AUTS2: variants seen among roughly 807,000 people sequenced by gnomAD.
AUTS2 encodes the protein autism susceptibility gene 2 protein.
A neutral mutation model predicts 112.4 loss-of-function variants in AUTS2; 17 were observed. The observed-to-expected ratio is 0.15, with a 90% CI of 0.10 to 0.23. The LOEUF (loss-of-function observed/expected upper bound fraction) is 0.23, where lower values mean the gene tolerates loss of function less well. Among genes scored for constraint, AUTS2 ranks in the 10% least tolerant of loss-of-function variants. The pLI, the probability that AUTS2 is intolerant of heterozygous loss-of-function variation, is 1.00. For missense variants in AUTS2, 1,510 were observed against 1,701.6 expected, an observed-to-expected ratio of 0.89 and a Z score of 1.98; for synonymous variants, 751 against 702.7, an observed-to-expected ratio of 1.07 and a Z score of -1.09.
chr7:70,468,463 G>A (rs1360070808), intron 5 of AUTS2, among the ~76,000 whole-genome samples: 1 of 152,176 alleles, frequency 6.6e-6, no homozygotes, highest in Admixed American at 6.5e-5. Flanking sequence ...TTGCCTTGAA[G>A]ATTTAAATGA....
intron 1 of AUTS2, among the ~76,000 whole-genome samples, chr7:69,799,074 AT>A (rs528994896): frequency 7.4e-5 from 11 of 149,622 alleles, no homozygotes; most frequent in East Asian, 2.0e-4. Context: ...TAAGTATGGT[AT>A]TTTTTTTTTC....
rs749711158 is a variant in AUTS2 at position 70,766,174 on chromosome 7, G to A, written c.1529G>A (p.Arg510His). The A allele has an allele frequency of 4.3e-6, 7 of 1,614,092 alleles. No individual in the cohort carries two copies. Among genetic ancestry groups the A allele is most frequent in the Admixed American group, 3.3e-5 (2 of 60,010 alleles). The change falls in exon 9 of 19, where the codon CGC (arginine) becomes CAC (histidine). Residue 510 changes from arginine (R) to histidine (H), a missense_variant. Physicochemically the swap from Arg to His is conservative, Grantham distance 29. Coordinates refer to ENST00000342771, the MANE Select transcript of AUTS2 (RefSeq NM_015570.4). The surrounding 1 kb of genome is among the most constrained non-coding windows in gnomAD (Gnocchi z 4.8). ...TTTTTGGCCTCTCAGAGTGCTGACC[G>A]CGGGGCTTCCCTGGGCCCTCCGCCC... ...TRFLASQSAD[R>H]GASLGPPPYL...
At chr7:69,741,840 G>A (rs1787278625) in intron 1 of AUTS2, among the ~76,000 whole-genome samples, 1 of 150,604 alleles carries the variant, frequency 6.6e-6, no homozygotes, top group Non-Finnish European at 1.5e-5. Flanking sequence ...GCCTCCCTCT[G>A]TCACTCAGGT....
intron 2 of AUTS2, among the ~76,000 whole-genome samples, chr7:70,112,163 T>G (rs1278260236): frequency 1.3e-5 from 2 of 151,794 alleles, no homozygotes; most frequent in East Asian, 3.8e-4. Context: ...GTTTTAAAAT[T>G]TATATATTTA....
chr7:70,271,250 A>G (rs1461702314), intron 4 of AUTS2, among the ~76,000 whole-genome samples: 1 of 152,188 alleles, frequency 6.6e-6, no homozygotes, highest in Non-Finnish European at 1.5e-5. Flanking sequence ...CATTAAATAG[A>G]AAATCTCACA....
At chr7:69,878,441 A>T (rs778109923) in intron 1 of AUTS2, among the ~76,000 whole-genome samples, 2 of 152,176 alleles carry the variant, frequency 1.3e-5, no homozygotes, top group Non-Finnish European at 2.9e-5. Context: ...ATCCAGGGTC[A>T]AAGCTAATCT....
chr7:69,826,455 A>G (rs1791249943), intron 1 of AUTS2, among the ~76,000 whole-genome samples: 1 of 152,198 alleles, frequency 6.6e-6, no homozygotes, highest in African/African-American at 2.4e-5. Context: ...AGAACACCCT[A>G]TAAATGTGAC....
intron 2 of AUTS2, among the ~76,000 whole-genome samples, chr7:69,955,049 C>T (rs767269160): frequency 1.3e-5 from 2 of 152,192 alleles, no homozygotes; most frequent in Non-Finnish European, 2.9e-5. Context: ...ATATATTTTG[C>T]ATATTGCTTA....
At chr7:69,954,304 T>G (rs1385779115) in intron 2 of AUTS2, among the ~76,000 whole-genome samples, 1 of 152,164 alleles carries the variant, frequency 6.6e-6, no homozygotes, top group Non-Finnish European at 1.5e-5. Context: ...TTTTTAGAGC[T>G]AGGATCTCGC....
chr7:70,418,296 A>G, intron 4 of AUTS2, among the ~76,000 whole-genome samples: 1 of 152,170 alleles, frequency 6.6e-6, no homozygotes, highest in South Asian at 2.1e-4. Context: ...AACAGTGACG[A>G]TGCTAAGCAT....
At chr7:70,140,374 G>A (rs1410187583) in intron 4 of AUTS2, among the ~76,000 whole-genome samples, 2 of 152,118 alleles carry the variant, frequency 1.3e-5, no homozygotes, top group African/African-American at 4.8e-5. Context: ...CAGGTATTTG[G>A]TTATCCTGAG....
At chr7:70,441,514 T>A (rs1796122625) in intron 5 of AUTS2, among the ~76,000 whole-genome samples, 1 of 152,134 alleles carries the variant, frequency 6.6e-6, no homozygotes, top group Non-Finnish European at 1.5e-5. Context: ...GCCTCCCAAG[T>A]AGCTGGGACT....
chr7:70,393,764 C>A (rs1793968991), intron 4 of AUTS2, among the ~76,000 whole-genome samples: 1 of 152,158 alleles, frequency 6.6e-6, no homozygotes, highest in Non-Finnish European at 1.5e-5. Flanking sequence ...CCCTTTCAAC[C>A]TTTAATACCT....
intron 5 of AUTS2, among the ~76,000 whole-genome samples, chr7:70,529,991 A>G (rs762247555): frequency 6.6e-5 from 10 of 152,238 alleles, no homozygotes; most frequent in Non-Finnish European, 1.3e-4. Flanking sequence ...AACATTTGTT[A>G]CAAGGTCCTG....
chr7:70,205,381 CTG>C (rs752761823), intron 4 of AUTS2, among the ~76,000 whole-genome samples: 19 of 152,178 alleles, frequency 1.2e-4, no homozygotes, highest in Admixed American at 6.5e-4. Context: ...ACTTATGAAA[CTG>C]AGGTCAGATA....
intron 1 of AUTS2, among the ~76,000 whole-genome samples, chr7:69,678,764 A>G (rs2129165876): frequency 6.6e-6 from 1 of 152,260 alleles, no homozygotes; most frequent in East Asian, 1.9e-4. Flanking sequence ...TGAGCCATTC[A>G]TGGAGACAGA....
At chr7:69,865,849 A>G (rs1793202475) in intron 1 of AUTS2, among the ~76,000 whole-genome samples, 1 of 152,176 alleles carries the variant, frequency 6.6e-6, no homozygotes, top group Non-Finnish European at 1.5e-5. Context: ...TCTCTCTTCC[A>G]GAAATTTTAT....
Position 70,766,097 on chromosome 7 carries a change from C to G in AUTS2, c.1469-17C>G, listed in dbSNP as rs750299001. 3 of 1,608,940 alleles carry G rather than the reference C, an allele frequency of 1.9e-6. No individual in the cohort carries two copies. Among genetic ancestry groups the G allele is most frequent in the Non-Finnish European group, 2.6e-6 (3 of 1,175,832 alleles). ...TGAAGGAAAAGGCGTCATCGTCTCC[C>G]TCTTCTTCTCTTCCAGAGCAAGACA... On this transcript the variant is annotated splice_polypyrimidine_tract_variant and intron_variant, in intron 8 of 18. Coordinates refer to ENST00000342771, the MANE Select transcript of AUTS2 (RefSeq NM_015570.4). This position sits in a 1 kb window ranked among gnomAD's most constrained non-coding sequence, Gnocchi z 4.8.
At chr7:70,441,902 A>G (rs1477969823) in intron 5 of AUTS2, among the ~76,000 whole-genome samples, 4 of 152,186 alleles carry the variant, frequency 2.6e-5, no homozygotes, top group Non-Finnish European at 5.9e-5. Flanking sequence ...TTACAGTGGA[A>G]GAGTCCCATC....
Sources: allele counts gnomAD v4.1 joint callset (sites outside exome capture counted in the v4.1 genomes callset), GRCh38; gene constraint gnomAD v4.1.1; non-coding constraint Gnocchi (gnomAD v3.1); transcripts MANE v1.5; gene names NCBI Gene and HGNC (gene_info 2026-07-23, HGNC 2026-07-21).